The following STK39 variants were observed in gnomAD, a reference collection of about 807,000 sequenced individuals.
STK39 encodes the protein serine/threonine kinase 39.
A neutral mutation model predicts 77.8 loss-of-function variants in STK39; 20 were observed. The ratio of observed to expected loss-of-function variants is 0.26; its 90% confidence interval spans 0.18 to 0.37. The LOEUF (loss-of-function observed/expected upper bound fraction) is 0.37. Ranked by LOEUF, STK39 falls within the 10% of genes least tolerant of loss-of-function variation. The pLI, the probability that STK39 is intolerant of heterozygous loss-of-function variation, is 1.00. For synonymous variants in STK39, 246 were observed against 234.1 expected, an observed-to-expected ratio of 1.05 and a Z score of -0.47; for missense variants, 479 against 656.5, an observed-to-expected ratio of 0.73 and a Z score of 2.95.
chr2:168,172,363 A>G (rs1376069465), intron 2 of STK39, among the ~76,000 whole-genome samples: 2 of 152,182 alleles, frequency 1.3e-5, no homozygotes, highest in African/African-American at 4.8e-5. Context: ...GTTTGCTGTA[A>G]TGCATGGATA....
intron 7 of STK39, 47 bp downstream of exon 7, chr2:168,140,242 G>T: frequency 6.9e-7 from 1 of 1,449,402 alleles, no homozygotes; most frequent in Non-Finnish European, 9.7e-7. Flanking sequence ...AACAGATTCC[G>T]TCCAATCACA....
intron 10 of STK39, among the ~76,000 whole-genome samples, chr2:168,078,257 G>T (rs371082348): frequency 1.3e-5 from 2 of 151,856 alleles, no homozygotes; most frequent in Non-Finnish European, 2.9e-5. Context: ...ATGAAAACCC[G>T]TTAAATAAAT....
intron 16 of STK39, among the ~76,000 whole-genome samples, chr2:167,995,772 T>C (rs1683823497): frequency 6.6e-6 from 1 of 152,178 alleles, no homozygotes; most frequent in Admixed American, 6.5e-5. Flanking sequence ...TTCCAAGCAG[T>C]AATTCAACAA....
chr2:167,996,846 C>A lies in STK39; in HGVS notation c.1498+15788G>T, dbSNP rs564371380. Among the ~76,000 whole-genome samples the A allele has an allele frequency of 2.0e-5, 3 of 152,052 alleles. No individual in the cohort carries two copies. In the East Asian group the frequency reaches 5.8e-4, roughly 29 times the overall value. ...GATCACCGACTAAGGAACTGCAGAG[C>A]AAAGGGTGAGCCTGAGGAGGACAAG... On this transcript the variant is annotated intron_variant, in intron 16 of 17. Coordinates refer to ENST00000355999, the MANE Select transcript of STK39 (RefSeq NM_013233.3).
chr2:168,048,270 T>C (rs1242174634), intron 14 of STK39, among the ~76,000 whole-genome samples: 1 of 151,706 alleles, frequency 6.6e-6, no homozygotes, highest in African/African-American at 2.4e-5. Flanking sequence ...TGAAGTATAA[T>C]GGCACAATCT....
At chr2:168,200,894 C>G (rs767276041) in intron 1 of STK39, among the ~76,000 whole-genome samples, 6 of 152,190 alleles carry the variant, frequency 3.9e-5, no homozygotes, top group Non-Finnish European at 5.9e-5. Context: ...GGCCCATCAT[C>G]ATCAGACAGA....
chr2:168,228,704 C>G (rs1351921945), intron 1 of STK39, among the ~76,000 whole-genome samples: 1 of 152,094 alleles, frequency 6.6e-6, no homozygotes, highest in East Asian at 1.9e-4. Flanking sequence ...GCAGGAGAAT[C>G]ACTTGAACCA....
intron 1 of STK39, among the ~76,000 whole-genome samples, chr2:168,210,980 C>T (rs142482176): frequency 2.0e-3 from 301 of 152,240 alleles, no homozygotes; most frequent in Non-Finnish European, 3.1e-3. Context: ...AAAAAATGCT[C>T]ATCAAAATTT....
rs148826626 is a variant in STK39 at position 167,989,942 on chromosome 2, TA to T, written c.1498+22691del. On this transcript the variant is annotated intron_variant, in intron 16 of 17. Coordinates refer to ENST00000355999, the MANE Select transcript of STK39 (RefSeq NM_013233.3). ...ATTTTTAAACTTAGTAATGGTAGAT[TA>T]AAATTTCCAGTTGGCATCAGAAGAG... Among the ~76,000 whole-genome samples, 500 of 152,186 alleles carry T rather than the reference TA, an allele frequency of 3.3e-3. 7 individuals are homozygous for T. Among genetic ancestry groups the T allele is most frequent in the African/African-American group, 0.012 (479 of 41,512 alleles).
chr2:168,178,817 G>A (rs1161570584), intron 2 of STK39, among the ~76,000 whole-genome samples: 2 of 152,166 alleles, frequency 1.3e-5, no homozygotes, highest in Non-Finnish European at 2.9e-5. Flanking sequence ...GTGACCTACA[G>A]GAAACTCAAC....
At chr2:168,020,497 C>T (rs1352958805) in intron 14 of STK39, among the ~76,000 whole-genome samples, 1 of 151,884 alleles carries the variant, frequency 6.6e-6, no homozygotes, top group African/African-American at 2.4e-5. Flanking sequence ...TAGTTTTGAC[C>T]TCATGGGCTC....
At chr2:168,047,978 G>T (rs941339705) in intron 14 of STK39, among the ~76,000 whole-genome samples, 2 of 152,210 alleles carry the variant, frequency 1.3e-5, no homozygotes, top group East Asian at 3.8e-4. Flanking sequence ...GAAACTCACT[G>T]AGCTAAGCAG....
At chr2:168,209,156 C>G (rs1176460227) in intron 1 of STK39, among the ~76,000 whole-genome samples, 1 of 152,124 alleles carries the variant, frequency 6.6e-6, no homozygotes, top group African/African-American at 2.4e-5. Flanking sequence ...CTTTGCACCC[C>G]TAGGCCCGTA....
intron 1 of STK39, among the ~76,000 whole-genome samples, chr2:168,197,222 T>C (rs1689494913): frequency 6.6e-6 from 1 of 152,190 alleles, no homozygotes; most frequent in Non-Finnish European, 1.5e-5. Context: ...TATTTGGACG[T>C]AGAGCCACAG....
intron 14 of STK39, among the ~76,000 whole-genome samples, chr2:168,053,672 C>T (rs76840920): frequency 5.9e-5 from 9 of 152,290 alleles, no homozygotes; most frequent in African/African-American, 2.2e-4. Flanking sequence ...ATTTTTCATG[C>T]TTCTATTTTG....
chr2:168,176,850 C>G (rs987467821), intron 2 of STK39, among the ~76,000 whole-genome samples: 1 of 152,126 alleles, frequency 6.6e-6, no homozygotes, highest in Non-Finnish European at 1.5e-5. Flanking sequence ...AGTGACTTGA[C>G]TCTATCCTGA....
chr2:168,173,528 T>C (rs903179290), intron 2 of STK39, among the ~76,000 whole-genome samples: 2 of 150,344 alleles, frequency 1.3e-5, no homozygotes, highest in Non-Finnish European at 1.5e-5. Flanking sequence ...CATGAAAATG[T>C]CATTGTGAAT....
At chr2:167,987,300 T>C (rs962817536) in intron 16 of STK39, among the ~76,000 whole-genome samples, 1 of 152,126 alleles carries the variant, frequency 6.6e-6, no homozygotes, top group Non-Finnish European at 1.5e-5. Flanking sequence ...GAAGAGGATT[T>C]ACAGATTTAG....
intron 8 of STK39, among the ~76,000 whole-genome samples, chr2:168,131,388 G>A (rs1478600494): frequency 1.3e-5 from 2 of 152,116 alleles, no homozygotes; most frequent in African/African-American, 4.8e-5. Context: ...GTAGCAGGGG[G>A]TGGGGCGGGG....
Sources: gnomAD v4.1 joint callset for allele counts (sites outside exome capture counted in the v4.1 genomes callset) on GRCh38, gnomAD v4.1.1 for gene constraint, MANE v1.5 for transcripts, NCBI Gene and HGNC (gene_info 2026-07-23, HGNC 2026-07-21) for gene names.